NKAIN2: variants seen among roughly 807,000 people sequenced by gnomAD.
NKAIN2 encodes the protein sodium/potassium-transporting ATPase subunit beta-1-interacting protein 2.
In NKAIN2, 14 loss-of-function variants were observed where a neutral mutation model predicts 32.6. That is an observed-to-expected ratio of 0.43 (90% CI 0.28 to 0.67). The LOEUF is 0.67. NKAIN2 is among the 30% of genes least tolerant of loss of function. The pLI is 0.17. For synonymous variants in NKAIN2, 80 were observed against 87.2 expected, an observed-to-expected ratio of 0.92 and a Z score of 0.46; for missense variants, 198 against 258.3, an observed-to-expected ratio of 0.77 and a Z score of 1.60.
intron 3 of NKAIN2, among the ~76,000 whole-genome samples, chr6:124,406,427 T>C (rs1773863006): frequency 6.6e-6 from 1 of 152,198 alleles, no homozygotes; most frequent in African/African-American, 2.4e-5. Context: ...TTTTTATTTC[T>C]GATTAGATGG....
chr6:124,710,731 C>T (rs1190629080), intron 4 of NKAIN2, among the ~76,000 whole-genome samples: 65 of 146,394 alleles, frequency 4.4e-4, no homozygotes, highest in East Asian at 1.2e-3. Context: ...TGTCTCTGCA[C>T]GTGAGATGGG....
intron 1 of NKAIN2, among the ~76,000 whole-genome samples, chr6:124,215,809 C>T (rs555116858): frequency 2.6e-5 from 4 of 152,170 alleles, no homozygotes; most frequent in Non-Finnish European, 5.9e-5. Flanking sequence ...AGAGGAACAC[C>T]TCTAGAAGAC....
chr6:124,367,321 A>T (rs1391863345), intron 3 of NKAIN2, among the ~76,000 whole-genome samples: 1 of 152,174 alleles, frequency 6.6e-6, no homozygotes, highest in Non-Finnish European at 1.5e-5. Context: ...CATATGAACA[A>T]TGCTCACTGG....
chr6:124,466,258 G>T (rs1410829282), intron 3 of NKAIN2, among the ~76,000 whole-genome samples: 1 of 152,078 alleles, frequency 6.6e-6, no homozygotes, highest in Non-Finnish European at 1.5e-5. Flanking sequence ...AACTCTCATG[G>T]CATGGTGCTT....
intron 4 of NKAIN2, among the ~76,000 whole-genome samples, chr6:124,768,935 C>G (rs954314186): frequency 6.6e-6 from 1 of 152,266 alleles, no homozygotes; most frequent in South Asian, 2.1e-4. Context: ...TCACCACAAT[C>G]ATTGGAATTC....
At chr6:124,016,003 A>T in intron 1 of NKAIN2, among the ~76,000 whole-genome samples, 1 of 152,140 alleles carries the variant, frequency 6.6e-6, no homozygotes, top group South Asian at 2.1e-4. Context: ...GAATCAATTT[A>T]TAGAACAAGA....
intron 3 of NKAIN2, among the ~76,000 whole-genome samples, chr6:124,357,106 A>G (rs930476849): frequency 4.6e-5 from 7 of 152,146 alleles, no homozygotes; most frequent in South Asian, 2.1e-4. Flanking sequence ...TCCAATGTAC[A>G]TGGGCAGATA....
chr6:124,417,887 A>G (rs1774566200), intron 3 of NKAIN2, among the ~76,000 whole-genome samples: 1 of 152,186 alleles, frequency 6.6e-6, no homozygotes, highest in African/African-American at 2.4e-5. Flanking sequence ...AATAGCCAGA[A>G]TTTCCTCTTT....
chr6:123,817,661 T>G (rs1278521430), intron 1 of NKAIN2, among the ~76,000 whole-genome samples: 1 of 152,130 alleles, frequency 6.6e-6, no homozygotes, highest in Non-Finnish European at 1.5e-5. Context: ...AACGGAATCT[T>G]CAGGGAGGCA....
At chr6:124,229,179 A>T (rs1792291217) in intron 1 of NKAIN2, among the ~76,000 whole-genome samples, 1 of 152,182 alleles carries the variant, frequency 6.6e-6, no homozygotes, top group Non-Finnish European at 1.5e-5. Flanking sequence ...TAGGCCAATA[A>T]GATGGAGGAA....
intron 1 of NKAIN2, among the ~76,000 whole-genome samples, chr6:124,240,526 A>G (rs1460617858): frequency 5.3e-5 from 8 of 152,186 alleles, no homozygotes. Flanking sequence ...ATCCAGCAGC[A>G]CATCAAAAAG....
chr6:124,802,575 T>TAA, intron 5 of NKAIN2, among the ~76,000 whole-genome samples: 1 of 152,232 alleles, frequency 6.6e-6, no homozygotes, highest in Non-Finnish European at 1.5e-5. Context: ...ATTCATAATT[T>TAA]TCTGACTCTA....
At chr6:124,806,565 A>G (rs1352089545) in intron 5 of NKAIN2, among the ~76,000 whole-genome samples, 1 of 152,152 alleles carries the variant, frequency 6.6e-6, no homozygotes, top group South Asian at 2.1e-4. Flanking sequence ...CGAGACTAGG[A>G]AGAAACTGCA....
At chr6:124,801,442 T>C (rs1424689471) in intron 5 of NKAIN2, among the ~76,000 whole-genome samples, 1 of 152,194 alleles carries the variant, frequency 6.6e-6, no homozygotes, top group African/African-American at 2.4e-5. Context: ...TTGCTCAAAG[T>C]TAAACAATCA....
chr6:124,046,508 C>T (rs1782136957), intron 1 of NKAIN2, among the ~76,000 whole-genome samples: 1 of 151,984 alleles, frequency 6.6e-6, no homozygotes, highest in Middle Eastern at 3.2e-3. Context: ...TCTTTTGAAC[C>T]ACTTGACCCT....
chr6:124,801,610 G>T (rs1055231315), intron 5 of NKAIN2, among the ~76,000 whole-genome samples: 1 of 152,194 alleles, frequency 6.6e-6, no homozygotes, highest in Admixed American at 6.5e-5. Flanking sequence ...ATAAAGCAGG[G>T]AACCAAACAG....
chr6:124,177,479 C>T, intron 1 of NKAIN2, among the ~76,000 whole-genome samples: 1 of 152,126 alleles, frequency 6.6e-6, no homozygotes, highest in Middle Eastern at 3.2e-3. Flanking sequence ...CTCATTAAAA[C>T]ATAGTTATGG....
In NKAIN2 at chr6:124,172,642, A is replaced by T. The variant is rs1788952931; in HGVS notation, c.55-110363A>T. 2.6e-5 allele frequency among the ~76,000 whole-genome samples: 4 copies of T among 152,316 alleles called. No individual in the cohort carries two copies. In the South Asian group the frequency reaches 8.3e-4, roughly 32 times the overall value. ...ATATTCTTGTGGAAGGAAGTAAAAA[A>T]GTTCCAAAGCCTGTTAGAATCTGTA... On this transcript the variant is annotated intron_variant, in intron 1 of 6. Coordinates refer to ENST00000368417, the MANE Select transcript of NKAIN2 (RefSeq NM_001040214.3).
At chr6:124,139,182 G>A (rs1037130702) in intron 1 of NKAIN2, among the ~76,000 whole-genome samples, 3 of 136,404 alleles carry the variant, frequency 2.2e-5, no homozygotes, top group Non-Finnish European at 3.0e-5. Flanking sequence ...TCCGCTTCCC[G>A]GGTTCACGCC....
Sources: allele counts gnomAD v4.1 joint callset (sites outside exome capture counted in the v4.1 genomes callset), GRCh38; gene constraint gnomAD v4.1.1; transcripts MANE v1.5; gene names NCBI Gene and HGNC (gene_info 2026-07-23, HGNC 2026-07-21).